The following NAV3 variants were observed in gnomAD, a reference collection of about 807,000 sequenced individuals.
The protein encoded by NAV3 is neuron navigator 3.
A neutral mutation model predicts 244.7 loss-of-function variants in NAV3; 87 were observed. That is an observed-to-expected ratio of 0.36 (90% confidence interval 0.30 to 0.42). The LOEUF (loss-of-function observed/expected upper bound fraction) is 0.42, where lower values mean the gene tolerates loss of function less well. NAV3 is among the 20% of genes least tolerant of loss of function. The pLI is 1.00. For missense variants in NAV3, 2,663 were observed against 2,893.3 expected (o/e 0.92, Z 1.83); for synonymous variants, 1,126 against 1,042.2 (o/e 1.08, Z -1.55).
In NAV3 at chr12:77,834,182, G is replaced by T. The variant is rs12297541; in HGVS notation, c.243+2478G>T. ...ATGCCTGTCCTCACTAGGTCCATGG[G>T]CACAGGCCCAGGGGTGGAGCCCTAG... On this transcript the variant is annotated intron_variant, in intron 1 of 39. Coordinates refer to ENST00000397909, the MANE Select transcript of NAV3 (RefSeq NM_001024383.2). Among the ~76,000 whole-genome samples, 710 of 152,258 alleles carry T rather than the reference G, an allele frequency of 4.7e-3. 7 individuals are homozygous for T. The highest frequency in any genetic ancestry group is 0.016 in the African/African-American group (675 of 41,544).
chr12:78,000,902 T>C (rs1263114627), intron 7 of NAV3, among the ~76,000 whole-genome samples: 3 of 149,048 alleles, frequency 2.0e-5, no homozygotes, highest in African/African-American at 4.9e-5. Context: ...GGCGTGAACC[T>C]GGGAGGCGGA....
At chr12:77,942,985 A>G (rs1565943233) in intron 3 of NAV3, among the ~76,000 whole-genome samples, 1 of 152,192 alleles carries the variant, frequency 6.6e-6, no homozygotes, top group Non-Finnish European at 1.5e-5. Flanking sequence ...TTTTAAGTCT[A>G]GAAACTCTTA....
At chr12:78,004,272 AAG>A (rs1411700708) in intron 7 of NAV3, among the ~76,000 whole-genome samples, 1 of 152,228 alleles carries the variant, frequency 6.6e-6, no homozygotes, top group African/African-American at 2.4e-5. Context: ...ACTTGGAATA[AAG>A]TAAGCAGTAG....
At chr12:77,711,696 G>A (rs1230802640) in intron 2 of NAV3, among the ~76,000 whole-genome samples, 1 of 152,266 alleles carries the variant, frequency 6.6e-6, no homozygotes, top group Non-Finnish European at 1.5e-5. Flanking sequence ...TCTGAGGGAG[G>A]TGGGCACCCA....
At chr12:77,804,106 G>T (rs888476839) in intron 2 of NAV3, among the ~76,000 whole-genome samples, 12 of 151,818 alleles carry the variant, frequency 7.9e-5, no homozygotes, top group African/African-American at 2.7e-4. Context: ...ATAGTTTTTT[G>T]TTTTGTTTTG....
chr12:78,016,913 C>T (rs1423688552), intron 8 of NAV3, among the ~76,000 whole-genome samples: 5 of 152,028 alleles, frequency 3.3e-5, no homozygotes, highest in Admixed American at 6.6e-5. Context: ...TCACATTTAA[C>T]GACCGAGTGA....
At chr12:78,078,638 G>A (rs1161374688) in intron 12 of NAV3, among the ~76,000 whole-genome samples, 7 of 150,226 alleles carry the variant, frequency 4.7e-5, no homozygotes, top group Non-Finnish European at 1.0e-4. Flanking sequence ...CTCGTGATCC[G>A]CCCACCTCGG....
intron 2 of NAV3, among the ~76,000 whole-genome samples, chr12:77,672,287 C>T (rs571474925): frequency 1.5e-4 from 23 of 152,088 alleles, no homozygotes; most frequent in African/African-American, 5.1e-4. Flanking sequence ...ACTTTTACAC[C>T]GTTGGAGGGA....
intron 1 of NAV3, among the ~76,000 whole-genome samples, chr12:77,876,597 GC>G (rs924267184): frequency 2.0e-5 from 3 of 152,002 alleles, no homozygotes; most frequent in East Asian, 1.9e-4. Context: ...AGAGGAAGGT[GC>G]TTTTGCAATT....
intron 1 of NAV3, among the ~76,000 whole-genome samples, chr12:77,850,281 C>T (rs1381968842): frequency 6.6e-6 from 1 of 152,142 alleles, no homozygotes; most frequent in Non-Finnish European, 1.5e-5. Flanking sequence ...AATATCCATA[C>T]TCTATTGCCA....
chr12:78,051,926 A>T (rs1029958268), intron 11 of NAV3, among the ~76,000 whole-genome samples: 3 of 152,140 alleles, frequency 2.0e-5, no homozygotes, highest in Admixed American at 2.0e-4. Flanking sequence ...AGATGTTTTT[A>T]TACATGTTCT....
chr12:77,585,701 C>T (rs1399506531), intron 2 of NAV3, among the ~76,000 whole-genome samples: 2 of 152,106 alleles, frequency 1.3e-5, no homozygotes, highest in South Asian at 2.1e-4. Context: ...GGTGATCGGG[C>T]AGTAATGCTC....
At chr12:77,748,623 A>C (rs941620746) in intron 2 of NAV3, among the ~76,000 whole-genome samples, 2 of 152,206 alleles carry the variant, frequency 1.3e-5, no homozygotes, top group Admixed American at 6.5e-5. Flanking sequence ...ATGCTAAGTG[A>C]AATAAATCAG....
chr12:77,854,587 ATG>A (rs111504963), intron 1 of NAV3, among the ~76,000 whole-genome samples: 22 of 128,462 alleles, frequency 1.7e-4, no homozygotes, highest in South Asian at 1.0e-3. Context: ...GTATGTGTGT[ATG>A]TGTGTGTGTG....
At chr12:77,624,284 G>A (rs1026016416) in intron 2 of NAV3, among the ~76,000 whole-genome samples, 2 of 152,134 alleles carry the variant, frequency 1.3e-5, no homozygotes, top group Non-Finnish European at 2.9e-5. Flanking sequence ...AAGCATAATC[G>A]TTCATGTGAG....
At chr12:77,779,539 G>A (rs1158808823) in intron 2 of NAV3, among the ~76,000 whole-genome samples, 1 of 152,152 alleles carries the variant, frequency 6.6e-6, no homozygotes, top group Non-Finnish European at 1.5e-5. Flanking sequence ...ATGGGGCTAT[G>A]CATCATAATT....
intron 2 of NAV3, among the ~76,000 whole-genome samples, chr12:77,679,962 G>A (rs535037026): frequency 5.9e-5 from 9 of 152,214 alleles, no homozygotes; most frequent in East Asian, 5.8e-4. Flanking sequence ...GTGGAGGTAC[G>A]CGTCATGTCC....
Position 77,923,015 on chromosome 12 carries a change from A to C in NAV3, c.244-17304A>C, listed in dbSNP as rs150462309. 3.7e-3 allele frequency among the ~76,000 whole-genome samples: 564 copies of C among 152,070 alleles called. 2 individuals carry two copies. Among genetic ancestry groups the C allele is most frequent in the South Asian group, 0.022 (106 of 4,816 alleles). On this transcript the variant is annotated intron_variant, in intron 1 of 39. Transcript: ENST00000397909. ...TGCATCATATTTTTCATTTTACTCTACAAGTATCACGATTTTTATTTTTGA... is the reference window on the plus strand; with the variant it reads ...TGCATCATATTTTTCATTTTACTCTCCAAGTATCACGATTTTTATTTTTGA...
chr12:78,054,515 G>T (rs1243343676), intron 11 of NAV3, among the ~76,000 whole-genome samples: 1 of 152,162 alleles, frequency 6.6e-6, no homozygotes, highest in Non-Finnish European at 1.5e-5. Flanking sequence ...GCCACTTTAT[G>T]GGAAGGAAAT....
Sources: gnomAD v4.1 joint callset for allele counts (sites outside exome capture counted in the v4.1 genomes callset) on GRCh38, gnomAD v4.1.1 for gene constraint, MANE v1.5 for transcripts, NCBI Gene and HGNC (gene_info 2026-07-23, HGNC 2026-07-21) for gene names.